The following CTIF variants were observed in gnomAD, a reference collection of about 807,000 sequenced individuals.
CTIF encodes cap binding complex dependent translation initiation factor.
Under a neutral mutation model 66.0 loss-of-function variants are expected in CTIF, and 21 were observed. The ratio of observed to expected loss-of-function variants is 0.32; its 90% confidence interval spans 0.23 to 0.46. CTIF has a LOEUF of 0.46. CTIF is among the 20% of genes least tolerant of loss of function. CTIF has a pLI of 1.00. For synonymous variants in CTIF, 345 were observed against 326.4 expected (o/e 1.06, Z -0.62); for missense variants, 739 against 812.7 (o/e 0.91, Z 1.10).
intron 9 of CTIF, among the ~76,000 whole-genome samples, chr18:48,775,763 G>C (rs896450045): frequency 1.3e-4 from 20 of 152,256 alleles, no homozygotes; most frequent in African/African-American, 4.8e-4. Context: ...GCAGGATCTG[G>C]GTGGAAGGAA....
At chr18:48,787,348 T>G (rs1911803784) in intron 9 of CTIF, among the ~76,000 whole-genome samples, 6 of 145,848 alleles carry the variant, frequency 4.1e-5, no homozygotes, top group East Asian at 2.0e-4. Flanking sequence ...GGGAGGGAAA[T>G]AGGGAGAAAG....
At chr18:48,684,949 G>A (rs2091810501) in intron 6 of CTIF, among the ~76,000 whole-genome samples, 1 of 151,482 alleles carries the variant, frequency 6.6e-6, no homozygotes, top group Non-Finnish European at 1.5e-5. Context: ...TACATAACCT[G>A]TAGACATTTA....
chr18:48,571,314 G>A (rs112612213), intron 1 of CTIF, among the ~76,000 whole-genome samples: 1 of 151,956 alleles, frequency 6.6e-6, no homozygotes, highest in African/African-American at 2.4e-5. Context: ...GCGCCACCAC[G>A]CCCGGCTAAT....
intron 9 of CTIF, among the ~76,000 whole-genome samples, chr18:48,801,139 T>C (rs1437849493): frequency 6.6e-6 from 1 of 152,100 alleles, no homozygotes; most frequent in Non-Finnish European, 1.5e-5. Context: ...CAGACCTCAC[T>C]GAGTCCAGTG....
chr18:48,833,375 C>T (rs1206470466), intron 10 of CTIF, among the ~76,000 whole-genome samples: 1 of 152,058 alleles, frequency 6.6e-6, no homozygotes, highest in Non-Finnish European at 1.5e-5. Context: ...ATGCCTCTTG[C>T]TGATGCGGAG....
At position 48,712,599 on chromosome 18, in the gene CTIF, G is replaced by A. The variant is rs181481992; in HGVS notation, c.584+904G>A. On this transcript the variant is annotated intron_variant, in intron 7 of 11. Transcript: ENST00000256413. ...AATTAAAATGAGGTGTTCCTCTATA[G>A]GGAATATATTCTTAGATAAAGATGA... Among the ~76,000 whole-genome samples the A allele has an allele frequency of 3.3e-5, 5 of 152,368 alleles. No homozygotes were observed. The East Asian group carries it at 9.6e-4, about 29-fold the overall frequency.
intron 3 of CTIF, among the ~76,000 whole-genome samples, chr18:48,650,907 G>A (rs143049097): frequency 6.6e-6 from 1 of 152,122 alleles, no homozygotes; most frequent in East Asian, 1.9e-4. Context: ...CTTCACAAGA[G>A]AAGGAGAAAT....
At chr18:48,855,840 G>A (rs1599173826) in intron 10 of CTIF, among the ~76,000 whole-genome samples, 1 of 152,202 alleles carries the variant, frequency 6.6e-6, no homozygotes, top group African/African-American at 2.4e-5. Context: ...ATGGTAAGGG[G>A]AGAGCAAAAT....
At chr18:48,684,525 G>A (rs1215905863) in intron 6 of CTIF, among the ~76,000 whole-genome samples, 1 of 151,906 alleles carries the variant, frequency 6.6e-6, no homozygotes, top group Non-Finnish European at 1.5e-5. Flanking sequence ...ATTTCCTGCT[G>A]ATTTTCTTAT....
chr18:48,721,508 C>G (rs2092335505), intron 7 of CTIF, among the ~76,000 whole-genome samples: 1 of 152,234 alleles, frequency 6.6e-6, no homozygotes, highest in African/African-American at 2.4e-5. Context: ...GCCAGCCCAG[C>G]CCTCCCCGGG....
intron 7 of CTIF, among the ~76,000 whole-genome samples, chr18:48,730,633 G>T (rs1417383655): frequency 2.3e-5 from 3 of 128,264 alleles, no homozygotes; most frequent in Admixed American, 1.5e-4. Flanking sequence ...GCGGTGTGAG[G>T]GGCCCCTGTG....
intron 1 of CTIF, among the ~76,000 whole-genome samples, chr18:48,588,100 C>T (rs2089810206): frequency 1.3e-5 from 2 of 152,284 alleles, no homozygotes; most frequent in Non-Finnish European, 2.9e-5. Context: ...AGCAACCCTT[C>T]GAGGACCTCT....
chr18:48,627,189 G>T (rs887841871), intron 2 of CTIF, among the ~76,000 whole-genome samples: 2 of 152,184 alleles, frequency 1.3e-5, no homozygotes, highest in Non-Finnish European at 2.9e-5. Flanking sequence ...AGCATAAAGT[G>T]TAACTATTTA....
intron 6 of CTIF, among the ~76,000 whole-genome samples, chr18:48,673,028 A>G (rs547973759): frequency 6.6e-6 from 1 of 152,184 alleles, no homozygotes; most frequent in South Asian, 2.1e-4. Flanking sequence ...TTTCTGGCTC[A>G]GGATACCTCC....
rs1013707098 is a variant in CTIF, at chr18:48,770,827, A to C, written c.1371+9138A>C. On this transcript the variant is annotated intron_variant, in intron 9 of 11. Transcript: ENST00000256413. ...ATGATTGGGTTGTGGTAGAGCTTAA[A>C]TGAGGTAATGCATGCACGGACCCCA... is the stretch of plus-strand genomic sequence containing the variant. 2.6e-5 allele frequency among the ~76,000 whole-genome samples: 4 copies of C among 152,198 alleles called. 2 individuals carry two copies. In the South Asian group the frequency reaches 8.3e-4, roughly 32 times the overall value.
At chr18:48,600,526 C>T (rs954513234) in intron 1 of CTIF, among the ~76,000 whole-genome samples, 18 of 152,078 alleles carry the variant, frequency 1.2e-4, no homozygotes, top group Admixed American at 2.6e-4. Flanking sequence ...ATCTCTCATT[C>T]GCCTTGGTAT....
At chr18:48,801,900 C>T (rs2068056623) in intron 9 of CTIF, among the ~76,000 whole-genome samples, 1 of 152,188 alleles carries the variant, frequency 6.6e-6, no homozygotes, top group South Asian at 2.1e-4. Context: ...AATTCTGGCC[C>T]CAGCTCCCAG....
intron 9 of CTIF, among the ~76,000 whole-genome samples, chr18:48,772,700 A>G (rs1480828871): frequency 6.6e-6 from 1 of 152,114 alleles, no homozygotes; most frequent in Admixed American, 6.5e-5. Flanking sequence ...ATTCCATTTT[A>G]TGTCTATACC....
At chr18:48,583,886 G>A (rs1030840164) in intron 1 of CTIF, among the ~76,000 whole-genome samples, 2 of 152,216 alleles carry the variant, frequency 1.3e-5, no homozygotes, top group South Asian at 2.1e-4. Context: ...TGAATATTAA[G>A]TCACTCACTT....
Sources: gnomAD v4.1 joint callset for allele counts (sites outside exome capture counted in the v4.1 genomes callset) on GRCh38, gnomAD v4.1.1 for gene constraint, MANE v1.5 for transcripts, NCBI Gene and HGNC (gene_info 2026-07-23, HGNC 2026-07-21) for gene names.